The following TMEM225B variants were observed in gnomAD, a reference collection of about 807,000 sequenced individuals.
TMEM225B encodes the protein transmembrane protein 225B.
TMEM225B carries 10 observed loss-of-function variants against 16.9 expected under a neutral mutation model. The observed-to-expected ratio is 0.59, with a 90% CI of 0.36 to 1.00. The LOEUF (loss-of-function observed/expected upper bound fraction) is 1.00. TMEM225B is among the 50% of genes least tolerant of loss of function. TMEM225B has a pLI of 0.01. For synonymous variants in TMEM225B, 92 were observed against 109.8 expected (o/e 0.84, Z 1.01); for missense variants, 217 against 267.0 (o/e 0.81, Z 1.30).
At chr7:99,599,226 C>T (rs1204682023) in intron 1 of TMEM225B, among the ~76,000 whole-genome samples, 3 of 151,204 alleles carry the variant, frequency 2.0e-5, no homozygotes, top group Non-Finnish European at 4.4e-5. Context: ...CCACCTGCCT[C>T]GGCCTCCCAA....
At chr7:99,608,839 G>T (rs10258892) in intron 5 of TMEM225B, among the ~76,000 whole-genome samples, 1 of 132,522 alleles carries the variant, frequency 7.5e-6, no homozygotes, top group African/African-American at 3.1e-5. Context: ...GTGTGTGCAC[G>T]TATATATATA....
intron 2 of TMEM225B, among the ~76,000 whole-genome samples, chr7:99,602,805 T>A (rs1453434490): frequency 1.3e-5 from 2 of 152,156 alleles, no homozygotes; most frequent in Non-Finnish European, 2.9e-5. Flanking sequence ...CTCTAACTCC[T>A]GGGCTCAAGA....
At chr7:99,606,007 A>G (rs1805777836) in intron 3 of TMEM225B, among the ~76,000 whole-genome samples, 1 of 152,262 alleles carries the variant, frequency 6.6e-6, no homozygotes, top group Non-Finnish European at 1.5e-5. Flanking sequence ...TAACCAATAC[A>G]GGTGTGATTC....
chr7:99,608,418 T>C (rs544303950), intron 5 of TMEM225B, among the ~76,000 whole-genome samples: 1 of 152,254 alleles, frequency 6.6e-6, no homozygotes, highest in Non-Finnish European at 1.5e-5. Context: ...ACAGCACTGC[T>C]CTGGAGCTTC....
In TMEM225B at chr7:99,610,470, C is replaced by G; in HGVS notation, c.571C>G (p.His191Asp). The stretch of plus-strand genomic sequence containing the variant: ...CACTTCCCAGAGTATGGAGGAGGAC[C>G]ACGGGAGCCTGTACCTGGACAATCT... ...LSTSQSMEED[H>D]GSLYLDNLES... Residue 191 changes from histidine to aspartate, a missense_variant, in exon 6 of 6, where the codon CAC becomes GAC. Coordinates refer to ENST00000431679, the MANE Select transcript of TMEM225B (RefSeq NM_001195541.3). 5 of 1,536,040 alleles carry G rather than the reference C, an allele frequency of 3.3e-6. No homozygotes were observed. The highest frequency in any genetic ancestry group is 4.4e-6 in the Non-Finnish European group (5 of 1,146,878).
chr7:99,602,147 G>A (rs117471559), intron 2 of TMEM225B, among the ~76,000 whole-genome samples: 72 of 152,316 alleles, frequency 4.7e-4, no homozygotes, highest in South Asian at 1.7e-3. Flanking sequence ...CCCCCTTTCT[G>A]CACTGCCAGG....
At chr7:99,606,328 G>A (rs1481432039) in intron 3 of TMEM225B, among the ~76,000 whole-genome samples, 1 of 152,150 alleles carries the variant, frequency 6.6e-6, no homozygotes, top group African/African-American at 2.4e-5. Flanking sequence ...TTAGCCAGGT[G>A]TGGTGGTACA....
chr7:99,607,910 GT>G, intron 5 of TMEM225B, 100 bp downstream of exon 5: 1 of 1,271,280 alleles, frequency 7.9e-7, no homozygotes, highest in African/African-American at 1.5e-5. Context: ...GAATTGCACT[GT>G]TCCAAACCGC....
intron 1 of TMEM225B, among the ~76,000 whole-genome samples, chr7:99,599,296 T>C (rs1805140217): frequency 6.6e-6 from 1 of 152,026 alleles, no homozygotes; most frequent in Non-Finnish European, 1.5e-5. Flanking sequence ...TAAAAAATAA[T>C]AATTTGGCCA....
chr7:99,606,979 T>C, intron 4 of TMEM225B, 85 bp downstream of exon 4: 1 of 1,428,474 alleles, frequency 7.0e-7, no homozygotes. Context: ...CTCTGTGATG[T>C]CAAAAGAGGC....
intron 3 of TMEM225B, among the ~76,000 whole-genome samples, chr7:99,605,143 G>A (rs1430021763): frequency 6.6e-6 from 1 of 152,174 alleles, no homozygotes; most frequent in Non-Finnish European, 1.5e-5. Flanking sequence ...GCCCACCTCT[G>A]CCAGCTCAGG....
intron 3 of TMEM225B, among the ~76,000 whole-genome samples, chr7:99,606,259 C>A (rs536600803): frequency 7.2e-5 from 11 of 152,282 alleles, no homozygotes; most frequent in African/African-American, 2.6e-4. Context: ...GGTGCCACTG[C>A]ACTCTAGCTT....
At position 99,604,379 on chromosome 7, in the gene TMEM225B, T is replaced by G; in HGVS notation, c.-3-7T>G. ...CCCACCTCCACGATCACTTTTCTCT[T>G]ACACAGGTGATGCTGACGTTAGAGG... On this transcript the variant is annotated splice_polypyrimidine_tract_variant and splice_region_variant and intron_variant, in intron 2 of 5. Coordinates refer to ENST00000431679, the MANE Select transcript of TMEM225B (RefSeq NM_001195541.3). The G allele has an allele frequency of 6.5e-7, 1 of 1,533,842 alleles. No individual in the cohort carries two copies. Among genetic ancestry groups the G allele is most frequent in the Non-Finnish European group, 8.7e-7 (1 of 1,144,910 alleles).
intron 2 of TMEM225B, among the ~76,000 whole-genome samples, chr7:99,603,666 T>A (rs1466474138): frequency 2.7e-5 from 4 of 149,636 alleles, no homozygotes; most frequent in South Asian, 2.1e-4. Flanking sequence ...CACTCCAGCC[T>A]GGGCTGACAA....
At chr7:99,598,860 A>G (rs1189695678) in intron 1 of TMEM225B, among the ~76,000 whole-genome samples, 4 of 152,198 alleles carry the variant, frequency 2.6e-5, no homozygotes, top group African/African-American at 2.4e-5. Flanking sequence ...AAGGGGGCCT[A>G]GGGTCCAGGA....
Position 99,610,253 on chromosome 7 carries a change from T to A in TMEM225B, c.494-140T>A, listed in dbSNP as rs7792939. Reference sequence around the variant, plus strand: ...GTACTTCTTGTCCTTTGACGCATCCTGTCTGTAATCTCTCTCTGTAATACT... The same window carrying A: ...GTACTTCTTGTCCTTTGACGCATCCAGTCTGTAATCTCTCTCTGTAATACT... On this transcript the variant is annotated intron_variant, in intron 5 of 5. Transcript: ENST00000431679. 2.5e-5 allele frequency: 15 copies of A among 594,256 alleles called. No individual in the cohort carries two copies. In the Admixed American group the frequency reaches 3.2e-4, roughly 13 times the overall value. 36.8% of individuals were successfully genotyped at this position (594,256 alleles called of 1,614,324 possible). A position where few individuals can be genotyped will look rare whatever the true frequency, so the allele number is the denominator to read the frequency against.
intron 2 of TMEM225B, among the ~76,000 whole-genome samples, chr7:99,600,819 C>T (rs1004927314): frequency 2.0e-5 from 3 of 151,944 alleles, no homozygotes; most frequent in East Asian, 3.9e-4. Flanking sequence ...CTGGGGATGA[C>T]GGTGATGTTC....
At chr7:99,607,024 G>C in intron 4 of TMEM225B, 130 bp downstream of exon 4, 1 of 1,023,716 alleles carries the variant, frequency 9.8e-7, no homozygotes, top group Non-Finnish European at 1.4e-6. Context: ...GTCTCACTCT[G>C]TTACCCAGGC....
At chr7:99,602,717 T>A (rs1046168797) in intron 2 of TMEM225B, among the ~76,000 whole-genome samples, 13 of 152,058 alleles carry the variant, frequency 8.5e-5, no homozygotes, top group African/African-American at 3.1e-4. Context: ...CTTTTGAAAA[T>A]TTTTATTCTT....
Sources: gnomAD v4.1 joint callset for allele counts (sites outside exome capture counted in the v4.1 genomes callset) on GRCh38, gnomAD v4.1.1 for gene constraint, MANE v1.5 for transcripts, NCBI Gene and HGNC (gene_info 2026-07-23, HGNC 2026-07-21) for gene names.